Variants in CPVL observed in about 807,000 individuals in gnomAD.
CPVL encodes the protein probable serine carboxypeptidase CPVL.
Under a neutral mutation model 63.7 loss-of-function variants are expected in CPVL, and 51 were observed. The observed-to-expected ratio is 0.80, with a 90% confidence interval of 0.64 to 1.01. The LOEUF (loss-of-function observed/expected upper bound fraction) is 1.01. Among genes scored for constraint, CPVL ranks in the 50% least tolerant of loss-of-function variants. The pLI is 0.00. For missense variants in CPVL, 530 were observed against 573.1 expected, an observed-to-expected ratio of 0.92 and a Z score of 0.77; for synonymous variants, 195 against 206.0, an observed-to-expected ratio of 0.95 and a Z score of 0.46.
At chr7:29,169,404 T>C (rs1416918604) in intron 5 of CPVL, among the ~76,000 whole-genome samples, 1 of 152,238 alleles carries the variant, frequency 6.6e-6, no homozygotes, top group Non-Finnish European at 1.5e-5. Flanking sequence ...ACACACCATT[T>C]TAATTATTTT....
At chr7:29,166,968 T>C (rs990810177) in intron 5 of CPVL, among the ~76,000 whole-genome samples, 5 of 152,176 alleles carry the variant, frequency 3.3e-5, no homozygotes, top group African/African-American at 1.2e-4. Flanking sequence ...CTCCACAATA[T>C]AAGATATATT....
chr7:29,125,197 T>C (rs1217473003), intron 1 of CPVL: 1 of 152,146 alleles, frequency 6.6e-6, no homozygotes, highest in Non-Finnish European at 1.5e-5. Flanking sequence ...TATTATTGAA[T>C]TGATGAATCT....
intron 12 of CPVL, among the ~76,000 whole-genome samples, chr7:29,006,538 G>A (rs571967154): frequency 2.6e-4 from 40 of 152,296 alleles, no homozygotes; most frequent in African/African-American, 8.7e-4. Context: ...TCAAGACCAT[G>A]CTACAACATC....
intron 2 of CPVL, among the ~76,000 whole-genome samples, chr7:29,119,754 C>T (rs1562778600): frequency 6.6e-6 from 1 of 152,068 alleles, no homozygotes; most frequent in Non-Finnish European, 1.5e-5. Flanking sequence ...AAAACTAAGG[C>T]CCAGACTTGC....
intron 1 of CPVL, among the ~76,000 whole-genome samples, chr7:29,127,190 A>T (rs773790313): frequency 3.9e-5 from 6 of 152,122 alleles, no homozygotes; most frequent in Non-Finnish European, 5.9e-5. Context: ...TTGAAATCCC[A>T]CTCCAACCAG....
At chr7:29,024,443 C>T (rs1787298081) in intron 12 of CPVL, among the ~76,000 whole-genome samples, 1 of 151,990 alleles carries the variant, frequency 6.6e-6, no homozygotes, top group South Asian at 2.1e-4. Flanking sequence ...ACATTATAGC[C>T]CCAAACTTCC....
intron 1 of CPVL, among the ~76,000 whole-genome samples, chr7:29,124,568 CCA>C (rs1350069116): frequency 6.6e-6 from 1 of 151,968 alleles, no homozygotes; most frequent in Non-Finnish European, 1.5e-5. Context: ...AGCTATTTAT[CCA>C]CAGTGTTCTT....
At chr7:29,168,101 A>G (rs573661345) in intron 5 of CPVL, among the ~76,000 whole-genome samples, 99 of 152,348 alleles carry the variant, frequency 6.5e-4, no homozygotes, top group African/African-American at 2.3e-3. Context: ...TACCTAGCAT[A>G]TCATAACATA....
At position 29,048,155 on chromosome 7, in the gene CPVL, C is replaced by CA. The variant is rs928804464; in HGVS notation, c.1137+15905dup. 4.4e-4 allele frequency among the ~76,000 whole-genome samples: 66 copies of CA among 151,200 alleles called. 1 individual carries two copies. Among genetic ancestry groups the CA allele is most frequent in the South Asian group, 1.3e-3 (6 of 4,776 alleles). On this transcript the variant is annotated intron_variant, in intron 11 of 12. Transcript: ENST00000265394. ...CAATTTAAAAGGCAAAAATAAAAGGCAAAAAAAACAAGGTACACAGGCAAC... is the reference window on the plus strand; with the variant it reads ...CAATTTAAAAGGCAAAAATAAAAGGCAAAAAAAAACAAGGTACACAGGCAAC...
chr7:29,122,476 T>C (rs1419610809), intron 1 of CPVL: 1 of 152,218 alleles, frequency 6.6e-6, no homozygotes, highest in Non-Finnish European at 1.5e-5. Context: ...ATGTTGATGT[T>C]GCTGGTTCTT....
intron 1 of CPVL, among the ~76,000 whole-genome samples, chr7:29,121,490 C>G (rs2128641834): frequency 6.6e-6 from 1 of 152,150 alleles, no homozygotes; most frequent in East Asian, 1.9e-4. Flanking sequence ...AAAGTAAATT[C>G]AATGGAGGAT....
chr7:29,174,962 A>G (rs1797095540), intron 5 of CPVL, among the ~76,000 whole-genome samples: 1 of 152,118 alleles, frequency 6.6e-6, no homozygotes, highest in South Asian at 2.1e-4. Flanking sequence ...AAATATAAAA[A>G]TTGTATTCAT....
intron 5 of CPVL, among the ~76,000 whole-genome samples, chr7:29,177,573 A>T (rs1469393823): frequency 2.2e-4 from 31 of 141,550 alleles, no homozygotes; most frequent in Non-Finnish European, 3.1e-4. Context: ...TTTTTTTTTT[A>T]ATTTACTGGC....
chr7:29,170,446 A>G (rs1185567008), intron 5 of CPVL, among the ~76,000 whole-genome samples: 1 of 152,134 alleles, frequency 6.6e-6, no homozygotes, highest in African/African-American at 2.4e-5. Flanking sequence ...AATACTGCAC[A>G]TGTTAGATTT....
intron 1 of CPVL, chr7:29,194,693 C>T: frequency 2.5e-6 from 1 of 394,926 alleles, no homozygotes; most frequent in Non-Finnish European, 4.4e-6. Flanking sequence ...CACCTACCCC[C>T]TGACACCCAT....
chr7:29,041,040 GCTT>G (rs1789031460), intron 11 of CPVL, among the ~76,000 whole-genome samples: 2 of 151,632 alleles, frequency 1.3e-5, no homozygotes, highest in African/African-American at 4.8e-5. Flanking sequence ...CCTTTACTCT[GCTT>G]CTTGTTTCAG....
chr7:29,140,189 C>T (rs1045724326), intron 1 of CPVL, among the ~76,000 whole-genome samples: 6 of 152,264 alleles, frequency 3.9e-5, no homozygotes, highest in Middle Eastern at 6.8e-3. Context: ...CTTGTAATCC[C>T]GGCACTTTAG....
chr7:29,189,096 G>A (rs1290290160), intron 1 of CPVL, among the ~76,000 whole-genome samples: 3 of 151,766 alleles, frequency 2.0e-5, no homozygotes, highest in African/African-American at 4.8e-5. Flanking sequence ...CATTACAGGC[G>A]CACACCATCA....
chr7:29,046,561 G>A (rs377533114), intron 11 of CPVL, among the ~76,000 whole-genome samples: 1,321 of 80,148 alleles, frequency 0.016, 6 homozygotes, highest in Admixed American at 0.021. Flanking sequence ...ATGCACGTGC[G>A]CGCGTGCACA....
Sources: allele counts gnomAD v4.1 joint callset (sites outside exome capture counted in the v4.1 genomes callset), GRCh38; gene constraint gnomAD v4.1.1; transcripts MANE v1.5; gene names NCBI Gene and HGNC (gene_info 2026-07-23, HGNC 2026-07-21).